MYT1L: variants seen among roughly 807,000 people sequenced by gnomAD.
MYT1L encodes myelin transcription factor 1 like.
Under a neutral mutation model 126.7 loss-of-function variants are expected in MYT1L, and 12 were observed. The observed-to-expected ratio is 0.09, with a 90% CI of 0.06 to 0.15. MYT1L has a LOEUF of 0.15. MYT1L is among the 10% of genes least tolerant of loss of function. The pLI, the probability that MYT1L is intolerant of heterozygous loss-of-function variation, is 1.00. For missense variants in MYT1L, 979 were observed against 1,585.2 expected (o/e 0.62, Z 6.49); for synonymous variants, 541 against 604.2 (o/e 0.90, Z 1.53).
At chr2:1,836,151 C>A (rs74505778) in intron 21 of MYT1L, among the ~76,000 whole-genome samples, 1 of 152,022 alleles carries the variant, frequency 6.6e-6, no homozygotes, top group East Asian at 1.9e-4. Flanking sequence ...GCAAATTCTC[C>A]GAGTAACATG....
chr2:1,893,747 A>G (rs988870085), intron 14 of MYT1L, among the ~76,000 whole-genome samples: 2 of 152,206 alleles, frequency 1.3e-5, no homozygotes, highest in African/African-American at 4.8e-5. Context: ...GCTTTCTCAC[A>G]TTGCTGATAC....
chr2:2,184,007 G>GAGAAAGAGAGAA, intron 2 of MYT1L, among the ~76,000 whole-genome samples: 1 of 148,820 alleles, frequency 6.7e-6, no homozygotes, highest in African/African-American at 2.5e-5. Context: ...GAGGGAGAAA[G>GAGAAAGAGAGAA]AGAAAGAGAG....
intron 4 of MYT1L, among the ~76,000 whole-genome samples, chr2:2,049,912 G>A (rs2068628786): frequency 6.6e-6 from 1 of 152,138 alleles, no homozygotes; most frequent in East Asian, 1.9e-4. Flanking sequence ...TCCCAGGCAT[G>A]TCTTTATCAG....
chr2:2,309,573 A>G (rs1168617379), intron 1 of MYT1L, among the ~76,000 whole-genome samples: 1 of 151,264 alleles, frequency 6.6e-6, no homozygotes, highest in East Asian at 2.0e-4. Context: ...ACTTCAGTAT[A>G]CTTTATCTAT....
intron 5 of MYT1L, among the ~76,000 whole-genome samples, chr2:1,987,536 T>C (rs1002686025): frequency 2.6e-5 from 4 of 152,168 alleles, no homozygotes; most frequent in African/African-American, 9.7e-5. Flanking sequence ...CTCATGCCCA[T>C]TCCTTTCTGG....
At chr2:2,172,514 C>T (rs182595361) in intron 3 of MYT1L, among the ~76,000 whole-genome samples, 18 of 152,354 alleles carry the variant, frequency 1.2e-4, no homozygotes, top group Admixed American at 9.1e-4. Flanking sequence ...CTCCCGGAAG[C>T]CATGAAGCAC....
chr2:2,095,774 G>A (rs928499227), intron 3 of MYT1L, among the ~76,000 whole-genome samples: 34 of 152,114 alleles, frequency 2.2e-4, no homozygotes, highest in African/African-American at 6.8e-4. Flanking sequence ...TCTCCTCATC[G>A]CCCCGGGCAC....
At chr2:1,931,277 C>G (rs900108646) in intron 9 of MYT1L, among the ~76,000 whole-genome samples, 1 of 152,242 alleles carries the variant, frequency 6.6e-6, no homozygotes, top group African/African-American at 2.4e-5. Context: ...ATGCCTAGTG[C>G]GCACTTTGAA....
At chr2:1,802,101 C>T (rs573909035) in intron 22 of MYT1L, among the ~76,000 whole-genome samples, 2 of 152,194 alleles carry the variant, frequency 1.3e-5, no homozygotes, top group African/African-American at 4.8e-5. Context: ...TGTATCGAGG[C>T]AGAAACCACC....
In MYT1L at chr2:2,292,005, G is replaced by A. The variant is rs970960060; in HGVS notation, c.-520-7502C>T. ...TGGCTGTGCCCGGGCTGAGAGGAGC[G>A]GGTGGGGCCCGACTGCCCATCCAGG... On this transcript the variant is annotated intron_variant, in intron 1 of 24. Coordinates refer to ENST00000647738, the MANE Select transcript of MYT1L (RefSeq NM_001303052.2). Among the ~76,000 whole-genome samples the A allele has an allele frequency of 4.6e-5, 7 of 152,262 alleles. No homozygotes were observed. The East Asian group carries it at 1.2e-3, about 25-fold the overall frequency.
chr2:1,942,238 A>T (rs1449861551), intron 9 of MYT1L, among the ~76,000 whole-genome samples: 1 of 152,212 alleles, frequency 6.6e-6, no homozygotes, highest in Non-Finnish European at 1.5e-5. Context: ...GACTTCTATG[A>T]AAGGGTTAGT....
rs1232162307 is a variant in MYT1L at position 1,858,485 on chromosome 2, T to C, written c.2712-6782A>G. On this transcript the variant is annotated intron_variant, in intron 18 of 24. Coordinates refer to ENST00000647738, the MANE Select transcript of MYT1L (RefSeq NM_001303052.2). ...AAATACGCTATAACAACTCCATCAA[T>C]AGCCTTTACTTTGTATTAAGAATTG... 3.3e-5 allele frequency among the ~76,000 whole-genome samples: 5 copies of C among 152,212 alleles called. No homozygotes were observed. The South Asian group carries it at 6.2e-4, about 19-fold the overall frequency.
intron 1 of MYT1L, among the ~76,000 whole-genome samples, chr2:2,287,170 A>G (rs1188630751): frequency 6.6e-6 from 1 of 152,118 alleles, no homozygotes; most frequent in African/African-American, 2.4e-5. Flanking sequence ...GCAGGAGAAT[A>G]GCTTGAACCT....
At chr2:2,248,826 T>A (rs2094582388) in intron 2 of MYT1L, among the ~76,000 whole-genome samples, 1 of 152,176 alleles carries the variant, frequency 6.6e-6, no homozygotes, top group African/African-American at 2.4e-5. Context: ...TCAACATCGC[T>A]TTATGATAAA....
intron 3 of MYT1L, among the ~76,000 whole-genome samples, chr2:2,066,671 G>A (rs753098716): frequency 6.6e-6 from 1 of 152,204 alleles, no homozygotes; most frequent in South Asian, 2.1e-4. Context: ...TCAGGGGCAG[G>A]TAGCTGCCCC....
chr2:1,898,120 C>T (rs890112294), intron 14 of MYT1L, among the ~76,000 whole-genome samples: 2 of 152,188 alleles, frequency 1.3e-5, no homozygotes, highest in Non-Finnish European at 2.9e-5. Context: ...AATGTACATG[C>T]CTTGTTCTAG....
chr2:1,960,793 T>C (rs986631965), intron 8 of MYT1L, among the ~76,000 whole-genome samples: 3 of 151,950 alleles, frequency 2.0e-5, no homozygotes, highest in Non-Finnish European at 4.4e-5. Flanking sequence ...TGCACCTGCC[T>C]CCCTGGACCC....
At chr2:2,068,072 T>C (rs1371888727) in intron 3 of MYT1L, among the ~76,000 whole-genome samples, 1 of 152,100 alleles carries the variant, frequency 6.6e-6, no homozygotes, top group Non-Finnish European at 1.5e-5. Context: ...CCTATCAAGA[T>C]AATGGTGTCG....
intron 2 of MYT1L, among the ~76,000 whole-genome samples, chr2:2,203,033 C>G (rs2093153497): frequency 1.3e-5 from 2 of 150,562 alleles, no homozygotes; most frequent in South Asian, 4.3e-4. Flanking sequence ...ACATGATTAT[C>G]TCAATAGATG....
Sources: gnomAD v4.1 joint callset for allele counts (sites outside exome capture counted in the v4.1 genomes callset) on GRCh38, gnomAD v4.1.1 for gene constraint, MANE v1.5 for transcripts, NCBI Gene and HGNC (gene_info 2026-07-23, HGNC 2026-07-21) for gene names.